The following PPP1R13B variants were observed in gnomAD, a reference collection of about 807,000 sequenced individuals.
PPP1R13B encodes apoptosis-stimulating of p53 protein 1.
PPP1R13B carries 44 observed loss-of-function variants against 119.8 expected under a neutral mutation model. The ratio of observed to expected loss-of-function variants is 0.37; its 90% CI spans 0.29 to 0.47. PPP1R13B has a LOEUF of 0.47. Among genes scored for constraint, PPP1R13B ranks in the 20% least tolerant of loss-of-function variants. PPP1R13B has a pLI of 0.99. For synonymous variants in PPP1R13B, 542 were observed against 561.5 expected (o/e 0.97, Z 0.49); for missense variants, 1,227 against 1,413.5 (o/e 0.87, Z 2.12).
chr14:103,735,874 C>T (rs2084095375), intron 16 of PPP1R13B, 129 bp downstream of exon 16: 11 of 1,038,574 alleles, frequency 1.1e-5, no homozygotes, highest in Non-Finnish European at 1.6e-5. Context: ...GGCACCTCCC[C>T]CTCTACAGAG....
chr14:103,742,540 A>G lies in PPP1R13B; in HGVS notation c.1320+114T>C. The stretch of plus-strand genomic sequence containing the variant: ...CTAGGACTTTGGGTGTTGTCTGGAC[A>G]ATAACAGGATTAACTTGCCTCCTGA... On this transcript the variant is annotated intron_variant, in intron 10 of 16. Coordinates refer to ENST00000202556, the MANE Select transcript of PPP1R13B (RefSeq NM_015316.3). This position sits in a 1 kb window ranked among gnomAD's most constrained non-coding sequence, Gnocchi z 4.9. The G allele has an allele frequency of 1.4e-6, 2 of 1,419,900 alleles. No individual in the cohort carries two copies. The highest frequency in any genetic ancestry group is 1.9e-6 in the Non-Finnish European group (2 of 1,054,566). 88.0% of individuals were successfully genotyped at this position (1,419,900 alleles called of 1,614,324 possible).
At chr14:103,829,905 A>G (rs2086630906) in intron 1 of PPP1R13B, among the ~76,000 whole-genome samples, 1 of 151,914 alleles carries the variant, frequency 6.6e-6, no homozygotes, top group Non-Finnish European at 1.5e-5. Flanking sequence ...CAGCCTCCCA[A>G]GTAGCTGGGA....
At chr14:103,754,006 G>C in intron 6 of PPP1R13B, 64 bp downstream of exon 6, 1 of 1,540,860 alleles carries the variant, frequency 6.5e-7, no homozygotes, top group Non-Finnish European at 8.8e-7. Flanking sequence ...CAGGCAGTTA[G>C]ACTATGTTTC....
intron 1 of PPP1R13B, among the ~76,000 whole-genome samples, chr14:103,812,965 T>G (rs1220569845): frequency 1.3e-5 from 2 of 152,188 alleles, no homozygotes; most frequent in Non-Finnish European, 2.9e-5. Flanking sequence ...GAATACAAAA[T>G]GGTACAGCCA....
At chr14:103,754,782 CTTTTTTTTTTCTTT>C (rs2084635470) in intron 5 of PPP1R13B, among the ~76,000 whole-genome samples, 1 of 147,754 alleles carries the variant, frequency 6.8e-6, no homozygotes, top group East Asian at 2.0e-4. Flanking sequence ...TCTTTTTCTT[CTTTTTTTTTTCTTT>C]TGAGACGGAG....
Position 103,847,374 on chromosome 14 carries a change from CCGCTCCGGCCGCCTCCTAAGGCCG to C in PPP1R13B, c.-91_-68del, listed in dbSNP as rs1290446876. On this transcript the variant is annotated 5_prime_UTR_variant, in exon 1 of 17. Coordinates refer to ENST00000202556, the MANE Select transcript of PPP1R13B (RefSeq NM_015316.3). ...GACGCTCCGCGCCGAGCTGTGCCCA[CCGCTCCGGCCGCCTCCTAAGGCCG>C]CGCTCCCGCCGCCGTGCTCTCCGGC... 8 of 1,118,708 alleles carry C rather than the reference CCGCTCCGGCCGCCTCCTAAGGCCG, an allele frequency of 7.2e-6. No homozygotes were observed. Among genetic ancestry groups the C allele is most frequent in the African/African-American group, 3.4e-5 (2 of 59,610 alleles). The allele number at this position is 1,118,708 out of a possible 1,614,324, so 69.3% of individuals were successfully genotyped here. A position where few individuals can be genotyped will look rare whatever the true frequency, so the allele number is the denominator to read the frequency against.
chr14:103,841,121 A>G (rs1567165279), intron 1 of PPP1R13B, among the ~76,000 whole-genome samples: 3 of 152,112 alleles, frequency 2.0e-5, no homozygotes, highest in Non-Finnish European at 2.9e-5. Context: ...CCCTGTCTCT[A>G]CTAAAAATAC....
intron 2 of PPP1R13B, among the ~76,000 whole-genome samples, chr14:103,793,295 A>G (rs1019180271): frequency 6.6e-6 from 1 of 152,204 alleles, no homozygotes; most frequent in Non-Finnish European, 1.5e-5. Context: ...TGTAATCCCC[A>G]TAATCCCCAC....
chr14:103,735,999 T>G lies in PPP1R13B; in HGVS notation c.3231+4A>C. 1 of 1,614,062 alleles carries G rather than the reference T, an allele frequency of 6.2e-7. No individual in the cohort carries two copies. ...GTTTCCCAGTAAGTAACCTGAGTGC[T>G]CACCCCCAGCAGGTTTTTGGGCACA... is the stretch of plus-strand genomic sequence containing the variant. On this transcript the variant is annotated splice_donor_region_variant and intron_variant, in intron 16 of 16. Coordinates refer to ENST00000202556, the MANE Select transcript of PPP1R13B (RefSeq NM_015316.3).
chr14:103,762,628 A>C (rs2084835793), intron 4 of PPP1R13B, among the ~76,000 whole-genome samples: 1 of 152,064 alleles, frequency 6.6e-6, no homozygotes, highest in South Asian at 2.1e-4. Flanking sequence ...CACCATAATA[A>C]TATTTGGAAT....
intron 1 of PPP1R13B, among the ~76,000 whole-genome samples, chr14:103,832,460 T>C (rs1172336409): frequency 6.6e-6 from 1 of 152,212 alleles, no homozygotes; most frequent in Non-Finnish European, 1.5e-5. Context: ...AAATTAGAAC[T>C]GTGTAACATG....
In PPP1R13B at chr14:103,738,710, C is replaced by T. The variant is rs1454413541; in HGVS notation, c.2833G>A (p.Val945Ile). 4.3e-6 allele frequency: 7 copies of T among 1,614,164 alleles called. No individual in the cohort carries two copies. Among genetic ancestry groups the T allele is most frequent in the Non-Finnish European group, 5.9e-6 (7 of 1,180,060 alleles). ...HIVKFLLDFG[V>I]NVNAADSDGW... ...TCACTATCAGCAGCATTCACGTTGACACCAAAATCCAGCAGGAACTTCACG... is the reference window on the plus strand; with the variant it reads ...TCACTATCAGCAGCATTCACGTTGATACCAAAATCCAGCAGGAACTTCACG... The change falls in exon 14 of 17, where the codon GTC becomes ATC. Residue 945 changes from valine (V) to isoleucine (I), a missense_variant. Physicochemically the swap from Val to Ile is conservative, Grantham distance 29. Coordinates refer to ENST00000202556, the MANE Select transcript of PPP1R13B (RefSeq NM_015316.3). This position sits in a 1 kb window ranked among gnomAD's most constrained non-coding sequence, Gnocchi z 5.6.
intron 1 of PPP1R13B, among the ~76,000 whole-genome samples, chr14:103,823,900 G>A (rs960670737): frequency 1.1e-4 from 16 of 151,572 alleles, no homozygotes; most frequent in African/African-American, 1.7e-4. Context: ...TTAAACAGCA[G>A]GTACATACAT....
In PPP1R13B at chr14:103,754,134, C is replaced by G. The variant is rs1361631931; in HGVS notation, c.567G>C (p.Lys189Asn). The change falls in exon 6 of 17, where the codon AAG becomes AAC. Residue 189 changes from lysine to asparagine, a missense_variant. Coordinates refer to ENST00000202556, the MANE Select transcript of PPP1R13B (RefSeq NM_015316.3). ...LKERVEAQEN[K>N]LKKIRAMRGQ... is the part of the protein sequence containing the mutation. ...CTCTCATTGCACGAATTTTCTTCAG[C>G]TTGTTCTCCTGGGCTTCAACTCGTT... The G allele has an allele frequency of 3.1e-6, 5 of 1,614,104 alleles. No individual in the cohort carries two copies. The highest frequency in any genetic ancestry group is 4.2e-6 in the Non-Finnish European group (5 of 1,180,030).
chr14:103,797,865 G>A (rs2085796300), intron 1 of PPP1R13B, among the ~76,000 whole-genome samples: 1 of 151,742 alleles, frequency 6.6e-6, no homozygotes, highest in African/African-American at 2.4e-5. Context: ...GATGAGGGAG[G>A]TATCTCAAAA....
chr14:103,772,823 T>C (rs575393203), intron 4 of PPP1R13B, among the ~76,000 whole-genome samples: 1 of 152,172 alleles, frequency 6.6e-6, no homozygotes, highest in East Asian at 1.9e-4. Flanking sequence ...TGCACAACCA[T>C]GCTGGGCTAA....
At position 103,778,744 on chromosome 14, in the gene PPP1R13B, C is replaced by T. The variant is rs1170037464; in HGVS notation, c.354+1G>A. 1 of 1,610,114 alleles carries T rather than the reference C, an allele frequency of 6.2e-7. No individual in the cohort carries two copies. The highest frequency in any genetic ancestry group is 8.5e-7 in the Non-Finnish European group (1 of 1,176,876). Reference sequence around the variant, plus strand: ...ATTCAATTTAATTCACTGTCACTTACCCCATTTTCAGTACGTTTTTCTCCA... The same window carrying T: ...ATTCAATTTAATTCACTGTCACTTATCCCATTTTCAGTACGTTTTTCTCCA... On this transcript the variant is annotated splice_donor_variant, in intron 4 of 16. Transcript: ENST00000202556. LOFTEE classifies it high-confidence loss of function.
rs1005469856 is a variant in PPP1R13B, at chr14:103,833,618, G to A, written c.9+13681C>T. On this transcript the variant is annotated intron_variant, in intron 1 of 16. Transcript: ENST00000202556. ...AGATCGCACTACTGCACTCCAGCCT[G>A]GGTGACAGAGCGAGACTCCATCTCA... 8.6e-5 allele frequency among the ~76,000 whole-genome samples: 13 copies of A among 151,942 alleles called. 1 individual carries two copies. Among genetic ancestry groups the A allele is most frequent in the Non-Finnish European group, 1.9e-4 (13 of 67,994 alleles).
intron 1 of PPP1R13B, among the ~76,000 whole-genome samples, chr14:103,846,232 G>C (rs765825677): frequency 3.3e-5 from 5 of 152,260 alleles, no homozygotes; most frequent in African/African-American, 1.2e-4. Flanking sequence ...GCTGAAAGCC[G>C]GCTACAAAAC....
Sources: allele counts gnomAD v4.1 joint callset (sites outside exome capture counted in the v4.1 genomes callset), GRCh38; gene constraint gnomAD v4.1.1; non-coding constraint Gnocchi (gnomAD v3.1); transcripts MANE v1.5; gene names NCBI Gene and HGNC (gene_info 2026-07-23, HGNC 2026-07-21).